The following MED27 variants were observed in gnomAD, a reference collection of about 807,000 sequenced individuals.
MED27 encodes the protein mediator of RNA polymerase II transcription subunit 27.
Under a neutral mutation model 38.2 loss-of-function variants are expected in MED27, and 30 were observed. The observed-to-expected ratio is 0.79, with a 90% CI of 0.59 to 1.07. The LOEUF (loss-of-function observed/expected upper bound fraction) is 1.07, where lower values mean the gene tolerates loss of function less well. Among genes scored for constraint, MED27 ranks in the 50% least tolerant of loss-of-function variants. The pLI is 0.00. For synonymous variants in MED27, 122 were observed against 153.5 expected, an observed-to-expected ratio of 0.79 and a Z score of 1.52; for missense variants, 289 against 397.5, an observed-to-expected ratio of 0.73 and a Z score of 2.32.
At chr9:132,040,477 C>G (rs541353711) in intron 2 of MED27, among the ~76,000 whole-genome samples, 1 of 152,146 alleles carries the variant, frequency 6.6e-6, no homozygotes, top group Non-Finnish European at 1.5e-5. Flanking sequence ...CATCACCTGA[C>G]GAGAGACTGC....
Position 131,884,119 on chromosome 9 carries a change from G to T in MED27, c.682-20C>A, listed in dbSNP as rs76878370. 4.2e-4 allele frequency: 677 copies of T among 1,593,498 alleles called. 5 individuals carry two copies. In the East Asian group the frequency reaches 0.014, roughly 33 times the overall value. On this transcript the variant is annotated intron_variant, in intron 5 of 7. Coordinates refer to ENST00000292035, the MANE Select transcript of MED27 (RefSeq NM_004269.4). ...ATCAAGCTGAGGGGAAAGGAGAGAA[G>T]GATCATCAGCATCGGTCTTAGAATT... is the stretch of plus-strand genomic sequence containing the variant.
intron 3 of MED27, among the ~76,000 whole-genome samples, chr9:131,939,888 T>A (rs941157326): frequency 6.6e-6 from 1 of 151,782 alleles, no homozygotes; most frequent in African/African-American, 2.4e-5. Context: ...ATTCCCAGGA[T>A]TAAATTCCTT....
chr9:131,953,818 CT>C (rs35830214), intron 3 of MED27, among the ~76,000 whole-genome samples: 53,440 of 135,040 alleles, frequency 0.4, 9,885 homozygotes, highest in East Asian at 0.66. Context: ...ACTTTTATAT[CT>C]TTTTTTTTTT....
rs1831768667 is a variant in MED27, at chr9:131,982,841, G to A, written c.479+31496C>T. ...CCATATGTAATATGGAAATGAATGCGCATGGCTGTGCTCAATAAAACTCTG... is the reference window on the plus strand; with the variant it reads ...CCATATGTAATATGGAAATGAATGCACATGGCTGTGCTCAATAAAACTCTG... On this transcript the variant is annotated intron_variant, in intron 3 of 7. Transcript: ENST00000292035. This position sits in a 1 kb window ranked among gnomAD's most constrained non-coding sequence, Gnocchi z 4.3. 1.3e-5 allele frequency among the ~76,000 whole-genome samples: 2 copies of A among 152,210 alleles called. No homozygotes were observed. Among genetic ancestry groups the A allele is most frequent in the African/African-American group, 2.4e-5 (1 of 41,446 alleles).
At chr9:132,052,221 G>A (rs1833479679) in intron 2 of MED27, among the ~76,000 whole-genome samples, 1 of 152,064 alleles carries the variant, frequency 6.6e-6, no homozygotes, top group Admixed American at 6.6e-5. Context: ...CTTTAAGAGG[G>A]GTCAGTTATT....
chr9:131,983,013 G>A (rs1248722922), intron 3 of MED27, among the ~76,000 whole-genome samples: 1 of 152,162 alleles, frequency 6.6e-6, no homozygotes, highest in African/African-American at 2.4e-5. Flanking sequence ...CTGAGTTTCA[G>A]CAAGTTCCCA....
At chr9:131,948,197 C>A (rs1013411371) in intron 3 of MED27, among the ~76,000 whole-genome samples, 1 of 152,094 alleles carries the variant, frequency 6.6e-6, no homozygotes, top group Non-Finnish European at 1.5e-5. Flanking sequence ...CTAAACTGTA[C>A]AACCAGGCCG....
Position 131,948,323 on chromosome 9 carries a change from A to G in MED27, c.480-8849T>C, listed in dbSNP as rs1344086155. Among the ~76,000 whole-genome samples the G allele has an allele frequency of 2.6e-5, 4 of 151,982 alleles. No individual in the cohort carries two copies. In the East Asian group the frequency reaches 5.8e-4, roughly 22 times the overall value. ...AATATGGTGAGACCCCATCTCTACT[A>G]AAAATACATAAAAACTAGCAGGGCA... On this transcript the variant is annotated intron_variant, in intron 3 of 7. Coordinates refer to ENST00000292035, the MANE Select transcript of MED27 (RefSeq NM_004269.4).
At chr9:132,018,300 G>C (rs1231269782) in intron 2 of MED27, among the ~76,000 whole-genome samples, 1 of 152,190 alleles carries the variant, frequency 6.6e-6, no homozygotes, top group Non-Finnish European at 1.5e-5. Flanking sequence ...ACTACTGGGA[G>C]TCCAAATTCA....
chr9:132,071,951 T>C (rs1833949088), intron 2 of MED27, among the ~76,000 whole-genome samples: 1 of 151,344 alleles, frequency 6.6e-6, no homozygotes, highest in African/African-American at 2.4e-5. Context: ...GGCATATGAG[T>C]AACATGCAAT....
At chr9:131,877,501 G>A (rs1255168047) in intron 6 of MED27, among the ~76,000 whole-genome samples, 4 of 151,922 alleles carry the variant, frequency 2.6e-5, no homozygotes, top group African/African-American at 4.8e-5. Flanking sequence ...GCTTGAACTT[G>A]GGAGGTGGAA....
At chr9:132,007,178 A>AC (rs746811390) in intron 3 of MED27, among the ~76,000 whole-genome samples, 2 of 152,150 alleles carry the variant, frequency 1.3e-5, no homozygotes, top group Non-Finnish European at 2.9e-5. Flanking sequence ...CCTTCCAGCA[A>AC]CACTTGTCAC....
chr9:132,057,582 G>A (rs1386642170), intron 2 of MED27, among the ~76,000 whole-genome samples: 1 of 152,204 alleles, frequency 6.6e-6, no homozygotes, highest in Non-Finnish European at 1.5e-5. Flanking sequence ...AACTTAGTGG[G>A]ACCTCCTTAA....
At chr9:132,007,132 T>G (rs1832375309) in intron 3 of MED27, among the ~76,000 whole-genome samples, 3 of 152,218 alleles carry the variant, frequency 2.0e-5, no homozygotes, top group African/African-American at 7.2e-5. Flanking sequence ...GAGTGCTGTG[T>G]CATTATCCCT....
At chr9:132,021,697 T>C (rs1177093571) in intron 2 of MED27, among the ~76,000 whole-genome samples, 1 of 152,174 alleles carries the variant, frequency 6.6e-6, no homozygotes, top group Non-Finnish European at 1.5e-5. Flanking sequence ...TCAATACACA[T>C]TGGCCTAATT....
At chr9:131,954,827 T>G (rs904757520) in intron 3 of MED27, among the ~76,000 whole-genome samples, 1 of 152,098 alleles carries the variant, frequency 6.6e-6, no homozygotes, top group African/African-American at 2.4e-5. Flanking sequence ...TTTAAAAGCT[T>G]AGAAGGATGA....
chr9:131,928,554 G>A (rs1830523350), intron 4 of MED27, among the ~76,000 whole-genome samples: 1 of 152,208 alleles, frequency 6.6e-6, no homozygotes, highest in Non-Finnish European at 1.5e-5. Context: ...GCACACTTGG[G>A]TGAGGGAGAG....
intron 2 of MED27, among the ~76,000 whole-genome samples, chr9:132,021,845 C>T (rs1832723567): frequency 6.6e-6 from 1 of 152,134 alleles, no homozygotes; most frequent in Non-Finnish European, 1.5e-5. Flanking sequence ...TCTCTCTCTC[C>T]ACCATGTGAG....
intron 4 of MED27, among the ~76,000 whole-genome samples, chr9:131,916,305 A>G (rs1042440489): frequency 6.6e-6 from 1 of 152,246 alleles, no homozygotes; most frequent in East Asian, 1.9e-4. Flanking sequence ...TCTATACAGT[A>G]TAAGTCCAAG....
Sources: gnomAD v4.1 joint callset for allele counts (sites outside exome capture counted in the v4.1 genomes callset) on GRCh38, gnomAD v4.1.1 for gene constraint, Gnocchi (gnomAD v3.1) non-coding constraint, MANE v1.5 for transcripts, NCBI Gene and HGNC (gene_info 2026-07-23, HGNC 2026-07-21) for gene names.